The following USP32 variants were observed in gnomAD, a reference collection of about 807,000 sequenced individuals.
USP32 encodes the protein ubiquitin specific peptidase 32, also known as ubiquitin carboxyl-terminal hydrolase 32.
In USP32, 59 loss-of-function variants were observed where a neutral mutation model predicts 204.8. The ratio of observed to expected loss-of-function variants is 0.29; its 90% CI spans 0.23 to 0.36. The LOEUF is 0.36. Among genes scored for constraint, USP32 ranks in the 10% least tolerant of loss-of-function variants. The pLI is 1.00. For synonymous variants in USP32, 517 were observed against 678.4 expected, an observed-to-expected ratio of 0.76 and a Z score of 3.70; for missense variants, 1,160 against 1,946.4, an observed-to-expected ratio of 0.60 and a Z score of 7.60.
Position 60,266,064 on chromosome 17 carries a change from C to T in USP32, c.839G>A (p.Arg280His), listed in dbSNP as rs764606054. 7.4e-6 allele frequency: 12 copies of T among 1,613,932 alleles called. No individual in the cohort carries two copies. Among genetic ancestry groups the T allele is most frequent in the East Asian group, 2.2e-5 (1 of 44,858 alleles). The change falls in exon 8 of 34, where the codon CGT becomes CAT. Residue 280 changes from arginine to histidine, a missense_variant. Physicochemically the swap from Arg to His is conservative, Grantham distance 29. This residue lies in a region of USP32 where 536 missense variants were observed against 680.9 expected (regional missense o/e 0.79). Coordinates refer to ENST00000300896, the MANE Select transcript of USP32 (RefSeq NM_032582.4). ...TTCAACCCTGGAGAGAACTCCATCACGGTCAACATCAAATACCTTGAAGCA... is the reference window on the plus strand; with the variant it reads ...TTCAACCCTGGAGAGAACTCCATCATGGTCAACATCAAATACCTTGAAGCA... Reference protein sequence around the residue: ...KFCFKVFDVDRDGVLSRVELR... With the variant: ...KFCFKVFDVDHDGVLSRVELR...
intron 9 of USP32, among the ~76,000 whole-genome samples, chr17:60,260,820 C>T (rs1165371825): frequency 6.6e-6 from 1 of 152,082 alleles, no homozygotes; most frequent in East Asian, 1.9e-4. Flanking sequence ...ATTTCTCCTA[C>T]ACTTGATAGT....
At chr17:60,220,200 C>A (rs575514395) in intron 15 of USP32, among the ~76,000 whole-genome samples, 20 of 151,966 alleles carry the variant, frequency 1.3e-4, no homozygotes, top group Admixed American at 1.3e-3. Flanking sequence ...TGGAAGTATT[C>A]ATTAGCTATA....
chr17:60,245,294 A>G, intron 11 of USP32: 1 of 302,502 alleles, frequency 3.3e-6, no homozygotes, highest in South Asian at 3.1e-5. Context: ...CTGTCTATTC[A>G]TTTTCTTCAC....
At chr17:60,220,199 T>G (rs2085208452) in intron 15 of USP32, among the ~76,000 whole-genome samples, 1 of 152,128 alleles carries the variant, frequency 6.6e-6, no homozygotes, top group East Asian at 1.9e-4. Context: ...ATGGAAGTAT[T>G]CATTAGCTAT....
intron 1 of USP32, among the ~76,000 whole-genome samples, chr17:60,382,317 T>G (rs1278740919): frequency 1.3e-5 from 2 of 152,188 alleles, no homozygotes; most frequent in Non-Finnish European, 2.9e-5. Flanking sequence ...AGCAACACAG[T>G]GAGGCTTCGT....
intron 18 of USP32, among the ~76,000 whole-genome samples, chr17:60,212,891 C>A (rs1225640628): frequency 1.3e-5 from 2 of 151,926 alleles, no homozygotes; most frequent in Non-Finnish European, 2.9e-5. Context: ...GTAGCTGGGA[C>A]TACAGGCACG....
chr17:60,370,555 G>T (rs2089417180), intron 1 of USP32, among the ~76,000 whole-genome samples: 1 of 151,830 alleles, frequency 6.6e-6, no homozygotes, highest in South Asian at 2.1e-4. Context: ...GAGGTCAGAA[G>T]TTCAAGACCA....
chr17:60,341,156 G>T (rs532586098), intron 2 of USP32, among the ~76,000 whole-genome samples: 3 of 152,160 alleles, frequency 2.0e-5, no homozygotes, highest in Non-Finnish European at 4.4e-5. Context: ...TCTTGGGGTT[G>T]CTCTTCTTGA....
At chr17:60,385,844 A>G (rs2089721556) in intron 1 of USP32, among the ~76,000 whole-genome samples, 1 of 151,808 alleles carries the variant, frequency 6.6e-6, no homozygotes, top group Non-Finnish European at 1.5e-5. Flanking sequence ...GTCTCAAAAA[A>G]AAAAAAAGAA....
At chr17:60,208,899 A>G (rs1266392635) in intron 22 of USP32, 71 bp from the exon 23 acceptor site, 1 of 1,448,624 alleles carries the variant, frequency 6.9e-7, no homozygotes, top group Admixed American at 2.6e-5. Context: ...AATTCAAAGA[A>G]GCTAGTTAAA....
At chr17:60,342,036 T>C (rs2088671927) in intron 2 of USP32, among the ~76,000 whole-genome samples, 1 of 152,208 alleles carries the variant, frequency 6.6e-6, no homozygotes, top group Non-Finnish European at 1.5e-5. Context: ...CCCATCTTTG[T>C]GGTTTTTATC....
chr17:60,282,657 T>C (rs1001407967), intron 5 of USP32, among the ~76,000 whole-genome samples: 2 of 152,058 alleles, frequency 1.3e-5, no homozygotes, highest in African/African-American at 2.4e-5. Flanking sequence ...CAGCCAAACA[T>C]AGTCTACTTT....
chr17:60,407,668 G>A (rs1270849792), intron 1 of USP32, among the ~76,000 whole-genome samples: 1 of 151,066 alleles, frequency 6.6e-6, no homozygotes, highest in Non-Finnish European at 1.5e-5. Flanking sequence ...TGTAATCCCA[G>A]CTACTCAGGA....
At chr17:60,320,153 G>A (rs1040365679) in intron 2 of USP32, among the ~76,000 whole-genome samples, 1 of 152,042 alleles carries the variant, frequency 6.6e-6, no homozygotes, top group African/African-American at 2.4e-5. Context: ...ATAGGTTCTT[G>A]GAAACTGCAA....
chr17:60,309,046 TG>T (rs2087794430), intron 2 of USP32, among the ~76,000 whole-genome samples: 1 of 151,844 alleles, frequency 6.6e-6, no homozygotes, highest in African/African-American at 2.4e-5. Flanking sequence ...AAAAAAACAT[TG>T]GGGGAAATGC....
intron 1 of USP32, among the ~76,000 whole-genome samples, chr17:60,388,631 T>C (rs1230817578): frequency 6.6e-6 from 1 of 152,126 alleles, no homozygotes; most frequent in Admixed American, 6.5e-5. Flanking sequence ...ACACACGCAA[T>C]ATAAACAAGA....
chr17:60,252,275 G>T, intron 11 of USP32, 106 bp downstream of exon 11: 1 of 883,370 alleles, frequency 1.1e-6, no homozygotes, highest in Non-Finnish European at 1.7e-6. Context: ...AACTATTTTT[G>T]AGAAATAGTT....
At chr17:60,350,521 T>C (rs1331882396) in intron 1 of USP32, among the ~76,000 whole-genome samples, 1 of 152,228 alleles carries the variant, frequency 6.6e-6, no homozygotes, top group Non-Finnish European at 1.5e-5. Flanking sequence ...ACTCCTGACC[T>C]CAAGTGATCT....
At chr17:60,332,636 G>A (rs2088418398) in intron 2 of USP32, among the ~76,000 whole-genome samples, 1 of 152,040 alleles carries the variant, frequency 6.6e-6, no homozygotes, top group Non-Finnish European at 1.5e-5. Flanking sequence ...CAACAAGAGA[G>A]AAACTCTGTC....
Sources: allele counts gnomAD v4.1 joint callset (sites outside exome capture counted in the v4.1 genomes callset), GRCh38; gene constraint gnomAD v4.1.1; regional missense constraint gnomAD v4.1.1; transcripts MANE v1.5; gene names NCBI Gene and HGNC (gene_info 2026-07-23, HGNC 2026-07-21).